CNTN5: variants seen among roughly 807,000 people sequenced by gnomAD.
CNTN5 encodes the protein contactin-5.
In CNTN5, 77 loss-of-function variants were observed where a neutral mutation model predicts 129.1. The ratio of observed to expected loss-of-function variants is 0.60; its 90% CI spans 0.50 to 0.72. CNTN5 has a LOEUF of 0.72. CNTN5 is among the 30% of genes least tolerant of loss of function. The pLI, the probability that CNTN5 is intolerant of heterozygous loss-of-function variation, is 0.00. For synonymous variants in CNTN5, 509 were observed against 465.6 expected (o/e 1.09, Z -1.20); for missense variants, 1,478 against 1,328.8 (o/e 1.11, Z -1.75).
chr11:100,205,642 A>C (rs987346615), intron 15 of CNTN5, among the ~76,000 whole-genome samples: 2 of 152,104 alleles, frequency 1.3e-5, no homozygotes, highest in African/African-American at 4.8e-5. Context: ...GGATTCAACC[A>C]ATGTGGATAG....
intron 2 of CNTN5, among the ~76,000 whole-genome samples, chr11:99,456,290 C>T (rs1197223825): frequency 6.6e-6 from 1 of 151,932 alleles, no homozygotes; most frequent in Admixed American, 6.6e-5. Flanking sequence ...TCAGAGAAAA[C>T]GTGAGAATGT....
chr11:99,527,131 A>G (rs10790771), intron 2 of CNTN5, among the ~76,000 whole-genome samples: 39,494 of 152,180 alleles, frequency 0.26, 5,506 homozygotes, highest in Non-Finnish European at 0.31. Context: ...CTGAAATAGC[A>G]GAATGTTTGC....
intron 2 of CNTN5, among the ~76,000 whole-genome samples, chr11:99,350,477 A>G (rs530395668): frequency 1.3e-5 from 2 of 152,308 alleles, no homozygotes; most frequent in Admixed American, 1.3e-4. Flanking sequence ...AAGAATTATA[A>G]AACATATGTT....
At chr11:99,543,238 G>A (rs1054736553) in intron 2 of CNTN5, among the ~76,000 whole-genome samples, 2 of 152,160 alleles carry the variant, frequency 1.3e-5, no homozygotes, top group East Asian at 1.9e-4. Flanking sequence ...GAAATGAAGT[G>A]ATTTCTGCAA....
At position 99,516,713 on chromosome 11, in the gene CNTN5, T is replaced by A. The variant is rs187441893; in HGVS notation, c.-70-39432T>A. The stretch of plus-strand genomic sequence containing the variant: ...AAATATATTATGGAAAACATTGCAG[T>A]TTTACCTCAATCCTAATCCTGAATT... On this transcript the variant is annotated intron_variant, in intron 2 of 24. Transcript: ENST00000524871. 9.2e-5 allele frequency among the ~76,000 whole-genome samples: 14 copies of A among 152,262 alleles called. No individual in the cohort carries two copies. The East Asian group carries it at 2.5e-3, about 27-fold the overall frequency.
chr11:100,099,062 G>A, intron 13 of CNTN5, among the ~76,000 whole-genome samples: 1 of 151,938 alleles, frequency 6.6e-6, no homozygotes, highest in East Asian at 1.9e-4. Context: ...AAAGAGCCTA[G>A]GTATACAGAG....
rs59768495 is a variant in CNTN5 at position 99,944,696 on chromosome 11, G to A, written c.674-12110G>A. The stretch of plus-strand genomic sequence containing the variant: ...GATACAAAATCAATGTGCAAAAATC[G>A]CAAGCATTCTTATACACCAATAATA... On this transcript the variant is annotated intron_variant, in intron 7 of 24. Coordinates refer to ENST00000524871, the MANE Select transcript of CNTN5 (RefSeq NM_014361.4). Among the ~76,000 whole-genome samples, 400 of 151,968 alleles carry A rather than the reference G, an allele frequency of 2.6e-3. 1 individual carries two copies. The highest frequency in any genetic ancestry group is 0.01 in the South Asian group (50 of 4,820).
intron 1 of CNTN5, among the ~76,000 whole-genome samples, chr11:99,144,001 C>T (rs1024200102): frequency 2.0e-5 from 3 of 152,100 alleles, no homozygotes; most frequent in African/African-American, 7.2e-5. Context: ...CTTATTTTTT[C>T]CCAAACCATC....
intron 1 of CNTN5, among the ~76,000 whole-genome samples, chr11:99,268,124 C>T (rs73534996): frequency 0.017 from 2,560 of 152,002 alleles, 82 homozygotes; most frequent in African/African-American, 0.059. Flanking sequence ...CTTAATCTTT[C>T]TGAGCTCCAT....
intron 20 of CNTN5, among the ~76,000 whole-genome samples, chr11:100,306,011 G>C (rs962336715): frequency 3.0e-4 from 45 of 151,400 alleles, no homozygotes; most frequent in African/African-American, 1.0e-3. Context: ...CAAATTTTGG[G>C]GGGGGCACAT....
At chr11:99,753,223 T>C (rs959511374) in intron 3 of CNTN5, among the ~76,000 whole-genome samples, 12 of 148,352 alleles carry the variant, frequency 8.1e-5, no homozygotes, top group Admixed American at 3.4e-4. Context: ...TCCGTGTTCA[T>C]GCCATTCTCC....
chr11:99,440,681 T>A (rs1437259039), intron 2 of CNTN5, among the ~76,000 whole-genome samples: 1 of 152,156 alleles, frequency 6.6e-6, no homozygotes, highest in Non-Finnish European at 1.5e-5. Context: ...AACTTTTTTT[T>A]TTCTGGATGC....
chr11:99,219,996 A>G (rs1360434632), intron 1 of CNTN5, among the ~76,000 whole-genome samples: 1 of 152,030 alleles, frequency 6.6e-6, no homozygotes, highest in Non-Finnish European at 1.5e-5. Flanking sequence ...GGAATCATTC[A>G]GAGATAGGAA....
chr11:100,149,893 C>CAAAAAAAAAAA (rs36016957), intron 13 of CNTN5, among the ~76,000 whole-genome samples: 2 of 117,142 alleles, frequency 1.7e-5, no homozygotes, highest in African/African-American at 3.2e-5. Context: ...GACTCCATCT[C>CAAAAAAAAAAA]AAAAAAAAAA....
At chr11:99,228,282 G>T (rs1860798048) in intron 1 of CNTN5, among the ~76,000 whole-genome samples, 1 of 152,054 alleles carries the variant, frequency 6.6e-6, no homozygotes, top group African/African-American at 2.4e-5. Flanking sequence ...GTGGATGCAG[G>T]TAGAGAGTAG....
chr11:100,302,617 T>G (rs2138901731), intron 20 of CNTN5, among the ~76,000 whole-genome samples: 1 of 151,532 alleles, frequency 6.6e-6, no homozygotes, highest in Non-Finnish European at 1.5e-5. Flanking sequence ...GACACCAAGC[T>G]GGGAAGAAAA....
At chr11:99,670,496 G>A (rs1250419171) in intron 3 of CNTN5, among the ~76,000 whole-genome samples, 2 of 152,026 alleles carry the variant, frequency 1.3e-5, no homozygotes, top group Non-Finnish European at 2.9e-5. Flanking sequence ...TGCAGCCAGG[G>A]GATTAGACTG....
chr11:99,423,199 T>A (rs547199401), intron 2 of CNTN5, among the ~76,000 whole-genome samples: 1 of 152,284 alleles, frequency 6.6e-6, no homozygotes, highest in African/African-American at 2.4e-5. Context: ...TCATTTTAAC[T>A]TTACCTGGTG....
intron 1 of CNTN5, among the ~76,000 whole-genome samples, chr11:99,174,995 A>T (rs72996224): frequency 0.029 from 4,357 of 152,198 alleles, 105 homozygotes; most frequent in Middle Eastern, 0.085. Context: ...GTGCTTTGTG[A>T]AGCTGAAGTT....
Sources: allele counts gnomAD v4.1 joint callset (sites outside exome capture counted in the v4.1 genomes callset), GRCh38; gene constraint gnomAD v4.1.1; transcripts MANE v1.5; gene names NCBI Gene and HGNC (gene_info 2026-07-23, HGNC 2026-07-21).